TRIB3: variants seen among roughly 807,000 people sequenced by gnomAD.
The protein encoded by TRIB3 is tribbles pseudokinase 3.
A neutral mutation model predicts 16.6 loss-of-function variants in TRIB3; 20 were observed. The observed-to-expected ratio is 1.20, with a 90% CI of 0.85 to 1.75. The LOEUF (loss-of-function observed/expected upper bound fraction) is 1.75, where lower values mean the gene tolerates loss of function less well. Among genes scored for constraint, TRIB3 ranks in the 40% most tolerant of loss-of-function variants. TRIB3 has a pLI of 0.00. For synonymous variants in TRIB3, 208 were observed against 217.0 expected, an observed-to-expected ratio of 0.96 and a Z score of 0.36; for missense variants, 484 against 488.9, an observed-to-expected ratio of 0.99 and a Z score of 0.10.
intron 1 of TRIB3, among the ~76,000 whole-genome samples, chr20:383,526 T>G (rs1433152043): frequency 1.3e-5 from 2 of 152,176 alleles, no homozygotes; most frequent in Non-Finnish European, 2.9e-5. Context: ...CACTGAAGCC[T>G]TTACCTTCTG....
In TRIB3 at chr20:388,233, G is replaced by GA; in HGVS notation, c.224dup (p.Pro76AlafsTer18). 1 of 1,613,650 alleles carries GA rather than the reference G, an allele frequency of 6.2e-7. No homozygotes were observed. Among genetic ancestry groups the GA allele is most frequent in the Non-Finnish European group, 8.5e-7 (1 of 1,180,026 alleles). ...CCGTCTTGGGCCCTATGTCCTCCTG[G>GA]AGCCCGAGGAGGGCGGGCGGGCCTA... On this transcript the variant is annotated frameshift_variant, in exon 2 of 4. Transcript: ENST00000217233. LOFTEE classifies it high-confidence loss of function.
At chr20:390,343 C>A (rs1278483400) in intron 2 of TRIB3, among the ~76,000 whole-genome samples, 2 of 150,220 alleles carry the variant, frequency 1.3e-5, no homozygotes, top group African/African-American at 4.9e-5. Flanking sequence ...AAACAAAAAA[C>A]AAACAGGAAA....
At position 391,371 on chromosome 20, in the gene TRIB3, G is replaced by T. The variant is rs756086988; in HGVS notation, c.376G>T (p.Val126Phe). 3 of 1,613,536 alleles carry T rather than the reference G, an allele frequency of 1.9e-6. No homozygotes were observed. In the Admixed American group the frequency reaches 5.0e-5, roughly 27 times the overall value. The change falls in exon 3 of 4, where the codon GTC becomes TTC. Residue 126 changes from valine to phenylalanine, a missense_variant. Physicochemically the swap from Val to Phe is conservative, Grantham distance 50. Transcript: ENST00000217233. ...PHKHVARPTE[V>F]LAGTQLLYAF... ...CAAGCATGTGGCTCGGCCCACTGAG[G>T]TCCTGGCTGGTACCCAGCTCCTCTA...
chr20:395,323 G>T lies in TRIB3; in HGVS notation c.585-875G>T, dbSNP rs980715124. 2.6e-5 allele frequency among the ~76,000 whole-genome samples: 4 copies of T among 151,876 alleles called. No homozygotes were observed. In the East Asian group the frequency reaches 5.8e-4, roughly 22 times the overall value. On this transcript the variant is annotated intron_variant, in intron 3 of 3. Coordinates refer to ENST00000217233, the MANE Select transcript of TRIB3 (RefSeq NM_021158.5). ...ACTACAGGTGCGAATCACCATGCCT[G>T]CTAATTTTCGTATTTTTTGTAGAGA...
At position 393,078 on chromosome 20, in the gene TRIB3, A is replaced by T. The variant is rs2015024514; in HGVS notation, c.584+1499A>T. 4.1e-5 allele frequency among the ~76,000 whole-genome samples: 4 copies of T among 97,576 alleles called. 1 individual carries two copies. Among genetic ancestry groups the T allele is most frequent in the African/African-American group, 1.5e-4 (3 of 20,044 alleles). The allele number at this position is 97,576 out of a possible 152,430, so 64.0% of individuals were successfully genotyped here. A position where few individuals can be genotyped will look rare whatever the true frequency, so the allele number is the denominator to read the frequency against. On this transcript the variant is annotated intron_variant, in intron 3 of 3. Coordinates refer to ENST00000217233, the MANE Select transcript of TRIB3 (RefSeq NM_021158.5). ...AATTTTAGACTTTTAGAAAACCTACAAAAATAGTTCAAAGAGTTTCTGCAT... is the reference window on the plus strand; with the variant it reads ...AATTTTAGACTTTTAGAAAACCTACTAAAATAGTTCAAAGAGTTTCTGCAT...
intron 1 of TRIB3, among the ~76,000 whole-genome samples, chr20:386,996 C>T (rs1219481902): frequency 6.6e-6 from 1 of 152,100 alleles, no homozygotes; most frequent in East Asian, 1.9e-4. Flanking sequence ...CATGATTCGC[C>T]CACCTTGGCC....
At chr20:383,561 A>G (rs1342404901) in intron 1 of TRIB3, among the ~76,000 whole-genome samples, 3 of 151,730 alleles carry the variant, frequency 2.0e-5, no homozygotes, top group Non-Finnish European at 4.4e-5. Context: ...CCCTACTTCA[A>G]CCTCCTGCAT....
At chr20:393,999 G>GTCTAATTT (rs1229552376) in intron 3 of TRIB3, among the ~76,000 whole-genome samples, 2 of 150,708 alleles carry the variant, frequency 1.3e-5, no homozygotes, top group Admixed American at 1.3e-4. Flanking sequence ...GCTTGCCTAA[G>GTCTAATTT]TCTAATTTTC....
intron 2 of TRIB3, among the ~76,000 whole-genome samples, chr20:390,675 G>A (rs1339103977): frequency 1.3e-5 from 2 of 152,078 alleles, no homozygotes; most frequent in South Asian, 2.1e-4. Context: ...TCAGTTATCC[G>A]ATGTTTGAGG....
chr20:395,333 G>A (rs746169638), intron 3 of TRIB3, among the ~76,000 whole-genome samples: 8 of 151,394 alleles, frequency 5.3e-5, no homozygotes, highest in Admixed American at 2.6e-4. Flanking sequence ...GCTAATTTTC[G>A]TATTTTTTGT....
intron 1 of TRIB3, chr20:382,735 G>A (rs985121964): frequency 1.3e-6 from 1 of 777,566 alleles, no homozygotes; most frequent in African/African-American, 1.7e-5. Context: ...CAGAAAGCTT[G>A]AGGAACTTGA....
At chr20:383,395 T>C (rs1324906413) in intron 1 of TRIB3, among the ~76,000 whole-genome samples, 1 of 152,196 alleles carries the variant, frequency 6.6e-6, no homozygotes, top group Non-Finnish European at 1.5e-5. Flanking sequence ...TTCTTAGCAA[T>C]GGGATTAATT....
chr20:383,500 G>T (rs1388506410), intron 1 of TRIB3, among the ~76,000 whole-genome samples: 1 of 152,206 alleles, frequency 6.6e-6, no homozygotes, highest in African/African-American at 2.4e-5. Context: ...ACAGGCTAGA[G>T]TTCCTGACCA....
At chr20:387,787 C>T (rs2014859081) in intron 1 of TRIB3, among the ~76,000 whole-genome samples, 1 of 152,134 alleles carries the variant, frequency 6.6e-6, no homozygotes, top group South Asian at 2.1e-4. Flanking sequence ...ACACAAGGCT[C>T]TGATGAACAG....
At chr20:384,881 A>G (rs2014757265) in intron 1 of TRIB3, among the ~76,000 whole-genome samples, 1 of 152,180 alleles carries the variant, frequency 6.6e-6, no homozygotes, top group South Asian at 2.1e-4. Flanking sequence ...TGTCCTGGGC[A>G]TTGTACACAA....
intron 1 of TRIB3, chr20:382,506 C>G: frequency 6.5e-7 from 1 of 1,534,534 alleles, no homozygotes; most frequent in Non-Finnish European, 8.7e-7. Flanking sequence ...GGAGTGTCAT[C>G]CCAGCCTCGA....
Position 396,733 on chromosome 20 carries a change from T to C in TRIB3, c.*43T>C, listed in dbSNP as rs188020529. 2.8e-4 allele frequency: 436 copies of C among 1,558,532 alleles called. 1 individual carries two copies. In the African/African-American group the frequency reaches 3.5e-3, roughly 13 times the overall value. On this transcript the variant is annotated 3_prime_UTR_variant, in exon 4 of 4. Transcript: ENST00000217233. ...CTCAGCTGCCAACAGTGGATTGAGT[T>C]TGGGGGTAGCTCCAAGCCTTCTCCT...
chr20:395,505 A>G (rs1402319437), intron 3 of TRIB3, among the ~76,000 whole-genome samples: 2 of 151,376 alleles, frequency 1.3e-5, no homozygotes, highest in African/African-American at 2.4e-5. Context: ...TGTGTTTTTT[A>G]TATAAACTGG....
intron 2 of TRIB3, among the ~76,000 whole-genome samples, chr20:390,900 G>C (rs996371956): frequency 6.6e-6 from 1 of 151,592 alleles, no homozygotes; most frequent in South Asian, 2.1e-4. Context: ...TACACTGGGG[G>C]CTGAAGCGGG....
Sources: gnomAD v4.1 joint callset for allele counts (sites outside exome capture counted in the v4.1 genomes callset) on GRCh38, gnomAD v4.1.1 for gene constraint, MANE v1.5 for transcripts, NCBI Gene and HGNC (gene_info 2026-07-23, HGNC 2026-07-21) for gene names.